The following RARB variants were observed in gnomAD, a reference collection of about 807,000 sequenced individuals.
RARB encodes the protein HBV-activated protein.
Under a neutral mutation model 51.9 loss-of-function variants are expected in RARB, and 17 were observed. The ratio of observed to expected loss-of-function variants is 0.33; its 90% CI spans 0.22 to 0.49. The LOEUF is 0.49. RARB is among the 20% of genes least tolerant of loss of function. The pLI, the probability that RARB is intolerant of heterozygous loss-of-function variation, is 0.99. For missense variants in RARB, 369 were observed against 550.8 expected, an observed-to-expected ratio of 0.67 and a Z score of 3.30; for synonymous variants, 215 against 195.4, an observed-to-expected ratio of 1.10 and a Z score of -0.84.
chr3:25,347,748 A>G (rs942597201), intron 5 of RARB, among the ~76,000 whole-genome samples: 3 of 152,204 alleles, frequency 2.0e-5, no homozygotes, highest in African/African-American at 4.8e-5. Flanking sequence ...AAGGGAATCA[A>G]TGTGACAGGC....
chr3:25,081,630 T>A lies in RARB; in HGVS notation c.-328+21454T>A, dbSNP rs1175537245. Among the ~76,000 whole-genome samples the A allele has an allele frequency of 6.8e-5, 4 of 58,732 alleles. No homozygotes were observed. In the South Asian group the frequency reaches 2.0e-3, roughly 30 times the overall value. The allele number at this position is 58,732 out of a possible 152,430, so 38.5% of individuals were successfully genotyped here. A position where few individuals can be genotyped will look rare whatever the true frequency, so the allele number is the denominator to read the frequency against. On this transcript the variant is annotated intron_variant, in intron 3 of 11. Coordinates refer to the RARB transcript ENST00000383772. Reference sequence around the variant, plus strand: ...ATATATATATATATATATTTTTTTTTTTTTTTTTTTTTTTTTTTTGAGATG... The same window carrying A: ...ATATATATATATATATATTTTTTTTATTTTTTTTTTTTTTTTTTTGAGATG...
chr3:25,142,477 C>T (rs914393475), intron 4 of RARB, among the ~76,000 whole-genome samples: 4 of 152,208 alleles, frequency 2.6e-5, no homozygotes, highest in Admixed American at 6.5e-5. Flanking sequence ...AAGCTACACC[C>T]TATACTGCTT....
rs139600986 is a variant in RARB at position 25,272,480 on chromosome 3, C to T, written c.178+97905C>T. 3.7e-3 allele frequency among the ~76,000 whole-genome samples: 562 copies of T among 152,306 alleles called. 5 individuals are homozygous for T. The highest frequency in any genetic ancestry group is 0.013 in the African/African-American group (543 of 41,556). On this transcript the variant is annotated intron_variant, in intron 5 of 11. Transcript: ENST00000383772. ...GTAGTCATCTGAGGCAGGTGATGCC[C>T]TGCCTTTGAAAGCTGGATCCGTTCC... is the stretch of plus-strand genomic sequence containing the variant.
chr3:25,502,365 G>C (rs1229463841), intron 3 of RARB, among the ~76,000 whole-genome samples: 1 of 152,110 alleles, frequency 6.6e-6, no homozygotes, highest in South Asian at 2.1e-4. Flanking sequence ...TGATTGAAGA[G>C]GTAAAGCCCC....
chr3:25,566,223 A>G (rs1037097771), intron 3 of RARB, among the ~76,000 whole-genome samples: 1 of 152,186 alleles, frequency 6.6e-6, no homozygotes, highest in African/African-American at 2.4e-5. Flanking sequence ...CAGCTGCTGA[A>G]GCCACGTGTT....
chr3:25,456,787 A>G (rs1052580722), intron 1 of RARB, among the ~76,000 whole-genome samples: 3 of 151,024 alleles, frequency 2.0e-5, no homozygotes, highest in South Asian at 2.1e-4. Context: ...GGGATCGTAC[A>G]TAACGTTTTT....
chr3:25,275,047 C>A (rs561368412), intron 5 of RARB, among the ~76,000 whole-genome samples: 1 of 152,194 alleles, frequency 6.6e-6, no homozygotes, highest in South Asian at 2.1e-4. Context: ...TAAAAAAGAT[C>A]TTCGTCTTCT....
intron 5 of RARB, among the ~76,000 whole-genome samples, chr3:25,363,453 G>A (rs955927107): frequency 1.3e-5 from 2 of 151,960 alleles, no homozygotes; most frequent in Non-Finnish European, 2.9e-5. Context: ...TACAACTTTC[G>A]CCATCTGGGT....
chr3:24,855,895 G>T (rs571790345), intron 1 of RARB, among the ~76,000 whole-genome samples: 3 of 151,930 alleles, frequency 2.0e-5, no homozygotes, highest in Admixed American at 2.0e-4. Context: ...GGGACTACAG[G>T]CCCCCACCAC....
chr3:24,889,871 C>G (rs1223329475), intron 2 of RARB, among the ~76,000 whole-genome samples: 1 of 144,634 alleles, frequency 6.9e-6, no homozygotes, highest in Admixed American at 6.9e-5. Flanking sequence ...TTTGGCAGAC[C>G]ATTCTAAGAA....
intron 3 of RARB, among the ~76,000 whole-genome samples, chr3:25,073,503 T>C (rs982147533): frequency 6.6e-6 from 1 of 152,198 alleles, no homozygotes; most frequent in African/African-American, 2.4e-5. Context: ...AACAGTTAGT[T>C]AGGTTTCTTT....
intron 3 of RARB, among the ~76,000 whole-genome samples, chr3:25,512,997 G>A (rs1364078703): frequency 1.3e-5 from 2 of 151,758 alleles, no homozygotes; most frequent in South Asian, 2.1e-4. Context: ...TGAATTGAAA[G>A]CAAAGGGTAC....
At chr3:24,876,432 A>G (rs1007712282) in intron 2 of RARB, among the ~76,000 whole-genome samples, 2 of 152,120 alleles carry the variant, frequency 1.3e-5, no homozygotes, top group African/African-American at 4.8e-5. Context: ...AAATATTATT[A>G]TGGGTTAGAA....
intron 5 of RARB, among the ~76,000 whole-genome samples, chr3:25,296,498 T>A (rs1479332131): frequency 1.3e-5 from 2 of 152,192 alleles, no homozygotes; most frequent in East Asian, 3.8e-4. Context: ...GAAGTCGACA[T>A]GAGGTTGAAA....
At chr3:24,891,018 A>G (rs1486151026) in intron 2 of RARB, among the ~76,000 whole-genome samples, 1 of 152,192 alleles carries the variant, frequency 6.6e-6, no homozygotes, top group Non-Finnish European at 1.5e-5. Flanking sequence ...TTGTGAAGAA[A>G]GTAGCACCAA....
chr3:25,307,687 G>T (rs193227562), intron 5 of RARB, among the ~76,000 whole-genome samples: 293 of 152,312 alleles, frequency 1.9e-3, no homozygotes, highest in African/African-American at 6.8e-3. Context: ...ACAGAGATGA[G>T]TAGGTCCTAT....
chr3:25,115,602 T>C (rs1432773873), intron 3 of RARB, among the ~76,000 whole-genome samples: 1 of 151,792 alleles, frequency 6.6e-6, no homozygotes, highest in East Asian at 1.9e-4. Context: ...TTTTCTTCTT[T>C]TCTTTCTTTC....
chr3:25,565,094 A>T (rs1700437147), intron 3 of RARB, among the ~76,000 whole-genome samples: 1 of 152,164 alleles, frequency 6.6e-6, no homozygotes, highest in Non-Finnish European at 1.5e-5. Context: ...ACACAGGCAC[A>T]GCTCCCTGTA....
chr3:25,430,494 T>C (rs1419922771), intron 1 of RARB, among the ~76,000 whole-genome samples: 1 of 152,240 alleles, frequency 6.6e-6, no homozygotes, highest in African/African-American at 2.4e-5. Context: ...TCGCCAAAAG[T>C]TATTAGACCT....
Sources: gnomAD v4.1 joint callset for allele counts (sites outside exome capture counted in the v4.1 genomes callset) on GRCh38, gnomAD v4.1.1 for gene constraint, MANE v1.5 for transcripts, NCBI Gene and HGNC (gene_info 2026-07-23, HGNC 2026-07-21) for gene names.